ZSCAN5A: variants seen among roughly 807,000 people sequenced by gnomAD.
ZSCAN5A encodes zinc finger and SCAN domain containing 5A, also known as zinc finger and SCAN domain-containing protein 5A.
In ZSCAN5A, 12 loss-of-function variants were observed where a neutral mutation model predicts 23.7. The observed-to-expected ratio is 0.51, with a 90% CI of 0.32 to 0.82. The LOEUF (loss-of-function observed/expected upper bound fraction) is 0.82. Ranked by LOEUF, ZSCAN5A falls within the 40% of genes least tolerant of loss-of-function variation. The probability of loss-of-function intolerance (pLI) is 0.03; values close to 1 mark genes in which losing one functional copy is unlikely to be tolerated. For missense variants in ZSCAN5A, 597 were observed against 617.9 expected (o/e 0.97, Z 0.36); for synonymous variants, 257 against 239.9 (o/e 1.07, Z -0.66).
chr19:56,222,779 C>T (rs1449930798), intron 4 of ZSCAN5A, 38 bp from the exon 5 acceptor site: 1 of 1,613,718 alleles, frequency 6.2e-7, no homozygotes, highest in Non-Finnish European at 8.5e-7. Context: ...CTGCTGTGTC[C>T]AAACTGGTGG....
intron 2 of ZSCAN5A, among the ~76,000 whole-genome samples, chr19:56,343,985 C>A (rs1355764604): frequency 6.6e-6 from 1 of 152,088 alleles, no homozygotes; most frequent in Non-Finnish European, 1.5e-5. Context: ...GTATTCATCC[C>A]ATTACATTTA....
chr19:56,247,177 C>T, intron 2 of ZSCAN5A: 35 of 577,196 alleles, frequency 6.1e-5, no homozygotes, highest in Middle Eastern at 2.8e-4. Flanking sequence ...CTTCACGCAG[C>T]TCTCAGACCT....
At chr19:56,256,977 G>A (rs927661892) in intron 2 of ZSCAN5A, among the ~76,000 whole-genome samples, 2 of 152,186 alleles carry the variant, frequency 1.3e-5, no homozygotes, top group African/African-American at 2.4e-5. Context: ...GTGGGAAGGG[G>A]AAATTAAATG....
rs144988045 is a variant in ZSCAN5A, at chr19:56,250,398, G to C, written c.-127-25225C>G. Among the ~76,000 whole-genome samples, 1,258 of 152,300 alleles carry C rather than the reference G, an allele frequency of 8.3e-3. 5 individuals are homozygous for C. The highest frequency in any genetic ancestry group is 0.013 in the Non-Finnish European group (887 of 68,020). On this transcript the variant is annotated intron_variant, in intron 2 of 5. Transcript: ENST00000683990. ...TATAAAGAGAAATTTCTAGCATCTC[G>C]CTTCATTTACTGTAACCTCGTGGCC...
chr19:56,292,137 A>C (rs1269096252), intron 2 of ZSCAN5A, among the ~76,000 whole-genome samples: 2 of 152,194 alleles, frequency 1.3e-5, no homozygotes, highest in African/African-American at 4.8e-5. Context: ...TGTGTGGCTC[A>C]GACTTATTTT....
chr19:56,266,073 G>A (rs1012923220), intron 2 of ZSCAN5A: 4 of 152,122 alleles, frequency 2.6e-5, no homozygotes, highest in Admixed American at 2.0e-4. Flanking sequence ...CCAATTATTG[G>A]CTTTGTTGAC....
chr19:56,225,024 G>A lies in ZSCAN5A; in HGVS notation c.23C>T (p.Ser8Leu). The A allele has an allele frequency of 1.2e-6, 2 of 1,603,922 alleles. No individual in the cohort carries two copies. Among genetic ancestry groups the A allele is most frequent in the South Asian group, 1.1e-5 (1 of 90,128 alleles). Residue 8 changes from serine (S) to leucine (L), a missense_variant, in exon 3 of 6, where the codon TCA becomes TTA. This residue lies in a region of ZSCAN5A where 72 missense variants were observed against 76.8 expected (regional missense o/e 0.94). Transcript: ENST00000683990. ...GTTGCAGGATTCTCCTAGACTCCAT[G>A]AGGATGTGCAATTTGCAGCCATATC... MAANCTS[S>L]WSLGESCNRP...
At chr19:56,249,838 T>A (rs1206298434) in intron 2 of ZSCAN5A, among the ~76,000 whole-genome samples, 1 of 152,098 alleles carries the variant, frequency 6.6e-6, no homozygotes, top group African/African-American at 2.4e-5. Flanking sequence ...TTGGTGAAAA[T>A]TTCTCAGATT....
chr19:56,320,735 A>G, intron 2 of ZSCAN5A: 1 of 1,222,246 alleles, frequency 8.2e-7, no homozygotes, highest in Admixed American at 1.7e-5. Flanking sequence ...AAATTCTGAC[A>G]CAAGACGTAC....
At chr19:56,342,808 T>A (rs2041604636) in intron 2 of ZSCAN5A, 7 of 775,676 alleles carry the variant, frequency 9.0e-6, no homozygotes, top group South Asian at 8.4e-5. Flanking sequence ...GGACCAATCA[T>A]AAGACATTTT....
At position 56,352,693 on chromosome 19, in the gene ZSCAN5A, G is replaced by C. The variant is rs994353794; in HGVS notation, c.-358+10542C>G. On this transcript the variant is annotated intron_variant, in intron 2 of 6. Transcript: ENST00000587340. This position sits in a 1 kb window ranked among gnomAD's most constrained non-coding sequence, Gnocchi z 4.2. ...ATTAGGTATCAGGAGCAGAATCCTTGCTAAAGGCAGGCCAAAGATTTAGAC... is the reference window on the plus strand; with the variant it reads ...ATTAGGTATCAGGAGCAGAATCCTTCCTAAAGGCAGGCCAAAGATTTAGAC... 2.0e-5 allele frequency among the ~76,000 whole-genome samples: 3 copies of C among 152,202 alleles called. No individual in the cohort carries two copies. The highest frequency in any genetic ancestry group is 4.4e-5 in the Non-Finnish European group (3 of 68,030).
intron 2 of ZSCAN5A, among the ~76,000 whole-genome samples, chr19:56,276,800 G>A (rs903134736): frequency 6.6e-6 from 1 of 151,996 alleles, no homozygotes; most frequent in African/African-American, 2.4e-5. Flanking sequence ...GCCTCCCAAA[G>A]TGCTGGGATT....
chr19:56,292,577 T>G (rs1600207334), intron 2 of ZSCAN5A, among the ~76,000 whole-genome samples: 1 of 151,942 alleles, frequency 6.6e-6, no homozygotes, highest in African/African-American at 2.4e-5. Flanking sequence ...CACGAGCCAC[T>G]GCACCCACCT....
chr19:56,239,609 A>T (rs7250325), intron 2 of ZSCAN5A, among the ~76,000 whole-genome samples: 16,662 of 152,164 alleles, frequency 0.11, 2,261 homozygotes, highest in African/African-American at 0.32. Context: ...ATATCAAACC[A>T]GTGATTTAGA....
intron 2 of ZSCAN5A, among the ~76,000 whole-genome samples, chr19:56,340,354 C>T (rs1044011024): frequency 6.6e-6 from 1 of 152,102 alleles, no homozygotes; most frequent in African/African-American, 2.4e-5. Context: ...TCACTGCAGA[C>T]GGAATGAGAA....
chr19:56,289,476 G>A (rs564954781), intron 2 of ZSCAN5A, among the ~76,000 whole-genome samples: 9 of 152,254 alleles, frequency 5.9e-5, no homozygotes, highest in African/African-American at 1.9e-4. Context: ...CGGGTAAGAC[G>A]GAGAGAGACC....
intron 2 of ZSCAN5A, among the ~76,000 whole-genome samples, chr19:56,228,574 T>G (rs116187671): frequency 1.6e-3 from 247 of 152,308 alleles, no homozygotes; most frequent in African/African-American, 5.4e-3. Flanking sequence ...TTAACCATTT[T>G]GGGTCCCCTC....
At position 56,221,884 on chromosome 19, in the gene ZSCAN5A, C is replaced by A; in HGVS notation, c.1182G>T (p.Met394Ile). 1 of 1,614,152 alleles carries A rather than the reference C, an allele frequency of 6.2e-7. No individual in the cohort carries two copies. Among genetic ancestry groups the A allele is most frequent in the South Asian group, 1.1e-5 (1 of 91,074 alleles). ...GGTGAAATTGGAGGCTAATAAGCTG[C>A]ATGAAGCGCTTCCCACAGAGATTAC... ...FQCNLCGKRF[M>I]QLISLQFHQR... The change falls in exon 6 of 6, where the codon ATG (methionine) becomes ATT (isoleucine). Residue 394 changes from methionine to isoleucine, a missense_variant. Physicochemically the swap from Met to Ile is conservative, Grantham distance 10. Around this residue, in one of 5 missense-constraint regions of ZSCAN5A, gnomAD observed 406 missense variants for 353.2 expected, o/e 1.15. Transcript: ENST00000683990.
At chr19:56,223,249 T>C (rs1008868439) in intron 4 of ZSCAN5A, among the ~76,000 whole-genome samples, 1 of 152,212 alleles carries the variant, frequency 6.6e-6, no homozygotes, top group East Asian at 1.9e-4. Flanking sequence ...ATCACCCCAG[T>C]TGAGAAACAC....
Sources: gnomAD v4.1 joint callset for allele counts (sites outside exome capture counted in the v4.1 genomes callset) on GRCh38, gnomAD v4.1.1 for gene constraint, gnomAD v4.1.1 regional missense constraint, Gnocchi (gnomAD v3.1) non-coding constraint, MANE v1.5 for transcripts, NCBI Gene and HGNC (gene_info 2026-07-23, HGNC 2026-07-21) for gene names.